The following GJC2 variants were observed in gnomAD, a reference collection of about 807,000 sequenced individuals.
GJC2 encodes gap junction gamma-2 protein.
For missense variants in GJC2, 647 were observed against 648.9 expected, an observed-to-expected ratio of 1.00 and a Z score of 0.03; for synonymous variants, 336 against 307.5, an observed-to-expected ratio of 1.09 and a Z score of -0.97.
In GJC2 at chr1:228,157,841, T is replaced by TCA. The variant is rs1558119445; in HGVS notation, c.85_86dup (p.Val30ArgfsTer10). ...TCCACCTTCGTGGGCAAGGTGTGGC[T>TCA]CACGGTGCTGGTGGTCTTCCGCATC... is the stretch of plus-strand genomic sequence containing the variant. On this transcript the variant is annotated frameshift_variant, in exon 2 of 2. Coordinates refer to ENST00000366714, the MANE Select transcript of GJC2 (RefSeq NM_020435.4). LOFTEE classifies it low-confidence loss of function (END_TRUNC). 1 of 1,597,354 alleles carries TCA rather than the reference T, an allele frequency of 6.3e-7. No individual in the cohort carries two copies. Among genetic ancestry groups the TCA allele is most frequent in the Admixed American group, 1.7e-5 (1 of 58,598 alleles).
In GJC2 at chr1:228,158,144, C is replaced by T; in HGVS notation, c.386C>T (p.Pro129Leu). The change falls in exon 2 of 2, where the codon CCG (proline) becomes CTG (leucine). Residue 129 changes from proline to leucine, a missense_variant. By Grantham distance (98) the Pro-to-Leu change is moderately conservative (BLOSUM62 -3). Coordinates refer to ENST00000366714, the MANE Select transcript of GJC2 (RefSeq NM_020435.4). The surrounding 1 kb of genome is among the most constrained non-coding windows in gnomAD (Gnocchi z 8.3). ...GPRRAPRAHL[P>L]PPHAGWPEPA... ...CGCCGCGCGCCCCGAGCGCACCTGC[C>T]GCCCCCGCACGCCGGCTGGCCTGAG... 1 of 1,299,704 alleles carries T rather than the reference C, an allele frequency of 7.7e-7. No individual in the cohort carries two copies. The highest frequency in any genetic ancestry group is 9.7e-7 in the Non-Finnish European group (1 of 1,026,078). The allele number at this position is 1,299,704 out of a possible 1,614,324, so 80.5% of individuals were successfully genotyped here. A position where few individuals can be genotyped will look rare whatever the true frequency, so the allele number is the denominator to read the frequency against.
intron 1 of GJC2, among the ~76,000 whole-genome samples, chr1:228,156,525 G>T (rs368102157): frequency 2.6e-5 from 4 of 152,234 alleles, no homozygotes; most frequent in African/African-American, 9.6e-5. Flanking sequence ...CTGCACAGAT[G>T]TGAGGAAGCA....
chr1:228,153,002 C>T (rs1477754220), intron 1 of GJC2, among the ~76,000 whole-genome samples: 6 of 152,122 alleles, frequency 3.9e-5, no homozygotes, highest in Non-Finnish European at 7.4e-5. Context: ...TTTGGGCACC[C>T]TGGAGGTGTA....
chr1:228,158,525 G>T lies in GJC2; in HGVS notation c.767G>T (p.Cys256Phe), dbSNP rs1301392759. Reference sequence around the variant, plus strand: ...CAGCCCTGCCCGCACGTGGTGGACTGCTTCGTGTCGCGCCCTACTGAAAAG... The same window carrying T: ...CAGCCCTGCCCGCACGTGGTGGACTTCTTCGTGTCGCGCCCTACTGAAAAG... ...SRQPCPHVVD[C>F]FVSRPTEKTV... is the part of the protein sequence containing the mutation. Residue 256 changes from cysteine to phenylalanine, a missense_variant, in exon 2 of 2, where the codon TGC becomes TTC. By Grantham distance (205) the Cys-to-Phe change is radical (BLOSUM62 -2). Coordinates refer to ENST00000366714, the MANE Select transcript of GJC2 (RefSeq NM_020435.4). The surrounding 1 kb of genome is among the most constrained non-coding windows in gnomAD (Gnocchi z 8.3). The T allele has an allele frequency of 1.9e-6, 3 of 1,612,952 alleles. No homozygotes were observed. The highest frequency in any genetic ancestry group is 2.5e-6 in the Non-Finnish European group (3 of 1,179,668).
At position 228,159,449 on chromosome 1, in the gene GJC2, A is replaced by T. The variant is rs1297546771; in HGVS notation, c.*371A>T. The T allele has an allele frequency of 4.0e-6, 1 of 252,616 alleles. No homozygotes were observed. Among genetic ancestry groups the T allele is most frequent in the Non-Finnish European group, 8.2e-6 (1 of 121,548 alleles). 15.6% of individuals were successfully genotyped at this position (252,616 alleles called of 1,614,324 possible). A position where few individuals can be genotyped will look rare whatever the true frequency, so the allele number is the denominator to read the frequency against. ...CCATGGAGGGCCCAGGGTGCCTGGT[A>T]TGGGCATCAGTTGGTGGGGGTGCGG... On this transcript the variant is annotated 3_prime_UTR_variant, in exon 2 of 2. Coordinates refer to ENST00000366714, the MANE Select transcript of GJC2 (RefSeq NM_020435.4). This position sits in a 1 kb window ranked among gnomAD's most constrained non-coding sequence, Gnocchi z 4.0.
chr1:228,154,382 G>A (rs2124963859), intron 1 of GJC2, among the ~76,000 whole-genome samples: 1 of 152,306 alleles, frequency 6.6e-6, no homozygotes, highest in East Asian at 1.9e-4. Context: ...TGGGTTTTGG[G>A]AGGAATACCA....
At position 228,152,776 on chromosome 1, in the gene GJC2, C is replaced by G. The variant is rs1169447557; in HGVS notation, c.-20+2769C>G. ...CCGGCCCTCCACCAATGCCCACATC[C>G]TCCTCTACTTCCCACAGCCTTCCCT... On this transcript the variant is annotated intron_variant, in intron 1 of 1. Coordinates refer to ENST00000366714, the MANE Select transcript of GJC2 (RefSeq NM_020435.4). This position sits in a 1 kb window ranked among gnomAD's most constrained non-coding sequence, Gnocchi z 7.3. Among the ~76,000 whole-genome samples the G allele has an allele frequency of 6.6e-6, 1 of 152,026 alleles. No homozygotes were observed. Among genetic ancestry groups the G allele is most frequent in the Non-Finnish European group, 1.5e-5 (1 of 67,978 alleles).
Position 228,156,691 on chromosome 1 carries a change from G to A in GJC2, c.-19-1049G>A, listed in dbSNP as rs1037017202. On this transcript the variant is annotated intron_variant, in intron 1 of 1. Coordinates refer to ENST00000366714, the MANE Select transcript of GJC2 (RefSeq NM_020435.4). The stretch of plus-strand genomic sequence containing the variant: ...GGCCAGGTACCGGGAGGGGGCCAGA[G>A]GCGGAGGGAGCTAAGGGGTCTCCTG... Among the ~76,000 whole-genome samples, 3 of 152,246 alleles carry A rather than the reference G, an allele frequency of 2.0e-5. No homozygotes were observed. The South Asian group carries it at 6.2e-4, about 31-fold the overall frequency.
At position 228,154,178 on chromosome 1, in the gene GJC2, T is replaced by C. The variant is rs1318100167; in HGVS notation, c.-19-3562T>C. ...TTTGCCTCTCCCCTACAGCTCCTTT[T>C]CTGCCCCGCCATGGATCCCACATGG... On this transcript the variant is annotated intron_variant, in intron 1 of 1. Transcript: ENST00000366714. 2.0e-5 allele frequency among the ~76,000 whole-genome samples: 3 copies of C among 152,194 alleles called. No homozygotes were observed. The East Asian group carries it at 5.8e-4, about 29-fold the overall frequency.
At chr1:228,156,816 G>A (rs2034685313) in intron 1 of GJC2, among the ~76,000 whole-genome samples, 1 of 152,266 alleles carries the variant, frequency 6.6e-6, no homozygotes, top group South Asian at 2.1e-4. Flanking sequence ...CACAGGCCCT[G>A]CTGCACAGCC....
In GJC2 at chr1:228,151,147, A is replaced by G. The variant is rs998204746; in HGVS notation, c.-20+1140A>G. ...AACAGGCTGCAGGAGGGGCCCACGCATTCACAGCGCCAACAACCCCAGGGA... is the reference window on the plus strand; with the variant it reads ...AACAGGCTGCAGGAGGGGCCCACGCGTTCACAGCGCCAACAACCCCAGGGA... On this transcript the variant is annotated intron_variant, in intron 1 of 1. Transcript: ENST00000366714. The surrounding 1 kb of genome is among the most constrained non-coding windows in gnomAD (Gnocchi z 5.4). Among the ~76,000 whole-genome samples the G allele has an allele frequency of 6.6e-6, 1 of 152,042 alleles. No homozygotes were observed. The highest frequency in any genetic ancestry group is 1.9e-4 in the East Asian group (1 of 5,154).
At chr1:228,153,994 T>C (rs2034650671) in intron 1 of GJC2, among the ~76,000 whole-genome samples, 1 of 152,112 alleles carries the variant, frequency 6.6e-6, no homozygotes, top group Non-Finnish European at 1.5e-5. Flanking sequence ...CTCAGTAAGA[T>C]TTACAGAAAT....
intron 1 of GJC2, among the ~76,000 whole-genome samples, chr1:228,153,580 T>C (rs1335474397): frequency 3.5e-4 from 43 of 122,332 alleles, no homozygotes; most frequent in Admixed American, 1.5e-3. Context: ...ATTTCTCTTT[T>C]CTTTTTTTTT....
chr1:228,157,751 C>A lies in GJC2; in HGVS notation c.-8C>A. ...ACCCCGCCCCACAGGACCCGCCCGC[C>A]CGCCCCTATGACCAACATGAGCTGG... On this transcript the variant is annotated 5_prime_UTR_variant, in exon 2 of 2. Transcript: ENST00000366714. The A allele has an allele frequency of 1.6e-5, 7 of 435,558 alleles. No individual in the cohort carries two copies. Among genetic ancestry groups the A allele is most frequent in the Non-Finnish European group, 2.3e-5 (5 of 215,460 alleles). 27.0% of individuals were successfully genotyped at this position (435,558 alleles called of 1,614,324 possible).
Position 228,158,860 on chromosome 1 carries a change from G to A in GJC2, c.1102G>A (p.Asp368Asn), listed in dbSNP as rs779067650. Residue 368 changes from aspartate (D) to asparagine (N), a missense_variant, in exon 2 of 2, where the codon GAC becomes AAC. Transcript: ENST00000366714. This position sits in a 1 kb window ranked among gnomAD's most constrained non-coding sequence, Gnocchi z 8.3. ...LRDGAAAGDR[D>N]RDSSPCVGLP... is the part of the protein sequence containing the mutation. ...CGACGGGGCAGCGGCTGGGGACCGCGACCGGGACAGTTCGCCGTGCGTCGG... is the reference window on the plus strand; with the variant it reads ...CGACGGGGCAGCGGCTGGGGACCGCAACCGGGACAGTTCGCCGTGCGTCGG... 1.5e-5 allele frequency: 22 copies of A among 1,485,946 alleles called. No homozygotes were observed. Among genetic ancestry groups the A allele is most frequent in the Non-Finnish European group, 1.8e-5 (20 of 1,124,654 alleles). 92.0% of individuals were successfully genotyped at this position (1,485,946 alleles called of 1,614,324 possible).
In GJC2 at chr1:228,158,786, CTCGG is replaced by C; in HGVS notation, c.1029_1032del (p.Ala345MetfsTer125). ...CTGGTGGTGCGGGCGGCCGAGCGCG[CTCGG>C]GCGCATGACCAGAACCTGGCAAACC... On this transcript the variant is annotated frameshift_variant, in exon 2 of 2. Transcript: ENST00000366714. LOFTEE classifies it low-confidence loss of function (END_TRUNC). This position sits in a 1 kb window ranked among gnomAD's most constrained non-coding sequence, Gnocchi z 8.3. 1 of 1,428,958 alleles carries C rather than the reference CTCGG, an allele frequency of 7.0e-7. No homozygotes were observed. The highest frequency in any genetic ancestry group is 9.1e-7 in the Non-Finnish European group (1 of 1,094,350). 88.5% of individuals were successfully genotyped at this position (1,428,958 alleles called of 1,614,324 possible).
rs760012366 is a variant in GJC2, at chr1:228,159,038, G to A, written c.1280G>A (p.Ser427Asn). The change falls in exon 2 of 2, where the codon AGT (serine) becomes AAT (asparagine). Residue 427 changes from serine (S) to asparagine (N), a missense_variant. Physicochemically the swap from Ser to Asn is conservative, Grantham distance 46. Coordinates refer to ENST00000366714, the MANE Select transcript of GJC2 (RefSeq NM_020435.4). This position sits in a 1 kb window ranked among gnomAD's most constrained non-coding sequence, Gnocchi z 4.0. Reference protein sequence around the residue: ...AKPRAGSEKGSASSRDGKTTV... With the variant: ...AKPRAGSEKGNASSRDGKTTV... Reference sequence around the variant, plus strand: ...CCCAGGGCTGGCTCCGAGAAGGGCAGTGCCAGCAGCAGGGACGGGAAGACC... The same window carrying A: ...CCCAGGGCTGGCTCCGAGAAGGGCAATGCCAGCAGCAGGGACGGGAAGACC... 2.5e-6 allele frequency: 4 copies of A among 1,610,292 alleles called. No individual in the cohort carries two copies. The Admixed American group carries it at 5.0e-5, about 20-fold the overall frequency.
rs777928367 is a variant in GJC2, at chr1:228,159,063, C to T, written c.1305C>T (p.Thr435=). ...KGSASSRDGK[T]TVWI ...GTGCCAGCAGCAGGGACGGGAAGAC[C>T]ACCGTGTGGATCTGAGGGCGCTGGC... Residue 435 remains threonine, a synonymous_variant, in exon 2 of 2, where the codon ACC becomes ACT. Transcript: ENST00000366714. The surrounding 1 kb of genome is among the most constrained non-coding windows in gnomAD (Gnocchi z 4.0). 9 of 1,610,518 alleles carry T rather than the reference C, an allele frequency of 5.6e-6. No homozygotes were observed. The highest frequency in any genetic ancestry group is 7.6e-6 in the Non-Finnish European group (9 of 1,179,706).
Position 228,158,646 on chromosome 1 carries a change from C to G in GJC2, c.888C>G (p.Asp296Glu). The G allele has an allele frequency of 6.3e-7, 1 of 1,593,236 alleles. No homozygotes were observed. The highest frequency in any genetic ancestry group is 8.5e-7 in the Non-Finnish European group (1 of 1,171,136). The change falls in exon 2 of 2, where the codon GAC becomes GAG. Residue 296 changes from aspartate (D) to glutamate (E), a missense_variant. Physicochemically the swap from Asp to Glu is conservative, Grantham distance 45 (BLOSUM62 2). Transcript: ENST00000366714. This position sits in a 1 kb window ranked among gnomAD's most constrained non-coding sequence, Gnocchi z 8.3. Reference protein sequence around the residue: ...MAHLGLGSAQDAVRGRRGPPA... With the variant: ...MAHLGLGSAQEAVRGRRGPPA... ...ACCTGGGCTTGGGCAGCGCGCAGGA[C>G]GCGGTGCGCGGCCGCCGCGGCCCCC...
Sources: gnomAD v4.1 joint callset for allele counts (sites outside exome capture counted in the v4.1 genomes callset) on GRCh38, gnomAD v4.1.1 for gene constraint, Gnocchi (gnomAD v3.1) non-coding constraint, MANE v1.5 for transcripts, NCBI Gene and HGNC (gene_info 2026-07-23, HGNC 2026-07-21) for gene names.